The following BRAF variants were observed in gnomAD, a reference collection of about 807,000 sequenced individuals.
The protein encoded by BRAF is serine/threonine-protein kinase B-raf.
Under a neutral mutation model 104.6 loss-of-function variants are expected in BRAF, and 16 were observed. That is an observed-to-expected ratio of 0.15 (90% CI 0.10 to 0.23). BRAF has a LOEUF of 0.23. Ranked by LOEUF, BRAF falls within the 10% of genes least tolerant of loss-of-function variation. The pLI is 1.00. For synonymous variants in BRAF, 310 were observed against 341.6 expected (o/e 0.91, Z 1.02); for missense variants, 541 against 937.3 (o/e 0.58, Z 5.52).
At chr7:140,826,357 C>A (rs991863313) in intron 3 of BRAF, among the ~76,000 whole-genome samples, 15 of 151,700 alleles carry the variant, frequency 9.9e-5, no homozygotes, top group Admixed American at 9.2e-4. Flanking sequence ...TCAATTTTTC[C>A]AACTCTATTA....
chr7:140,717,980 T>A (rs1795172551), downstream of BRAF, among the ~76,000 whole-genome samples: 1 of 152,200 alleles, frequency 6.6e-6, no homozygotes, highest in Non-Finnish European at 1.5e-5. Flanking sequence ...CTTAGCCTTT[T>A]AAGTCTTGAT....
chr7:140,756,120 C>T (rs143294832), intron 14 of BRAF, among the ~76,000 whole-genome samples: 316 of 151,918 alleles, frequency 2.1e-3, no homozygotes, highest in African/African-American at 6.9e-3. Flanking sequence ...ACCAGGAAAG[C>T]ACTAGATAAT....
chr7:140,826,375 T>A (rs1806052538), intron 3 of BRAF, among the ~76,000 whole-genome samples: 1 of 152,222 alleles, frequency 6.6e-6, no homozygotes, highest in African/African-American at 2.4e-5. Flanking sequence ...TTACAAAAAA[T>A]TTCAGACAGA....
chr7:140,860,207 G>A (rs560671786), intron 1 of BRAF, among the ~76,000 whole-genome samples: 2 of 152,206 alleles, frequency 1.3e-5, no homozygotes, highest in South Asian at 4.2e-4. Flanking sequence ...ATAATTTAGT[G>A]GGGAACAGAA....
intron 14 of BRAF, among the ~76,000 whole-genome samples, chr7:140,770,915 A>G (rs1397434116): frequency 6.9e-6 from 1 of 145,740 alleles, no homozygotes; most frequent in Non-Finnish European, 1.5e-5. Context: ...CCTGGGTGAC[A>G]GTGAGATTCC....
chr7:140,787,453 G>C (rs1342311126), intron 9 of BRAF, 95 bp downstream of exon 9: 19 of 1,334,244 alleles, frequency 1.4e-5, no homozygotes, highest in Middle Eastern at 1.9e-4. Flanking sequence ...TTTTCTCTGT[G>C]TCTGTTACTT....
chr7:140,773,591 C>T (rs1389508120), intron 14 of BRAF, among the ~76,000 whole-genome samples: 1 of 152,148 alleles, frequency 6.6e-6, no homozygotes, highest in Non-Finnish European at 1.5e-5. Context: ...TTATTTTCCC[C>T]TCTCTAGAGA....
At chr7:140,717,773 A>G (rs1335235737), downstream of BRAF, among the ~76,000 whole-genome samples, 1 of 151,916 alleles carries the variant, frequency 6.6e-6, no homozygotes, top group East Asian at 1.9e-4. Flanking sequence ...AGCCACATCT[A>G]CTCTGTTGTA....
At chr7:140,863,184 T>TA (rs547945134) in intron 1 of BRAF, among the ~76,000 whole-genome samples, 73 of 145,636 alleles carry the variant, frequency 5.0e-4, no homozygotes, top group South Asian at 1.7e-3. Context: ...TTCACCAGGT[T>TA]AAAAAAAAAA....
intron 2 of BRAF, among the ~76,000 whole-genome samples, chr7:140,840,283 A>G (rs1243056759): frequency 6.6e-6 from 1 of 152,206 alleles, no homozygotes; most frequent in East Asian, 1.9e-4. Flanking sequence ...TGATTAGGCA[A>G]TGGTCTCTCA....
Position 140,724,746 on chromosome 7 carries a change from CTT to C in BRAF, c.*1746_*1747del. ...TCTAATTCCTTGATTTATTCTGGGTCTTGTTTAATTTCTTTCAAGTCCTTGGC... is the reference window on the plus strand; with the variant it reads ...TCTAATTCCTTGATTTATTCTGGGTCGTTTAATTTCTTTCAAGTCCTTGGC... On this transcript the variant is annotated 3_prime_UTR_variant, in exon 20 of 20. Transcript: ENST00000644969. 3.9e-6 allele frequency: 4 copies of C among 1,033,602 alleles called. No individual in the cohort carries two copies. The highest frequency in any genetic ancestry group is 4.7e-6 in the Non-Finnish European group (4 of 859,198). The allele number at this position is 1,033,602 out of a possible 1,614,324, so 64.0% of individuals were successfully genotyped here. A position where few individuals can be genotyped will look rare whatever the true frequency, so the allele number is the denominator to read the frequency against.
intron 1 of BRAF, among the ~76,000 whole-genome samples, chr7:140,857,356 A>C (rs1026763592): frequency 6.6e-6 from 1 of 152,164 alleles, no homozygotes; most frequent in Non-Finnish European, 1.5e-5. Flanking sequence ...AGAGAGAGCA[A>C]AGTCTTGCTG....
intron 1 of BRAF, among the ~76,000 whole-genome samples, chr7:140,920,707 C>A (rs970101922): frequency 2.0e-5 from 3 of 152,108 alleles, no homozygotes; most frequent in African/African-American, 7.2e-5. Flanking sequence ...TATAAAATGA[C>A]TGACAGATAA....
chr7:140,737,886 T>C (rs191486789), intron 18 of BRAF, among the ~76,000 whole-genome samples: 55 of 152,340 alleles, frequency 3.6e-4, no homozygotes, highest in Non-Finnish European at 6.3e-4. Context: ...TTTGAAACCA[T>C]GTAATTAATG....
At chr7:140,753,249 A>G (rs375646647) in intron 16 of BRAF, 26 bp downstream of exon 15, 79 of 1,553,240 alleles carry the variant, frequency 5.1e-5, no homozygotes, top group Non-Finnish European at 6.7e-5. Flanking sequence ...AAATTTAATC[A>G]GTGGAAAAAT....
chr7:140,828,828 T>A (rs1806370863), intron 3 of BRAF, among the ~76,000 whole-genome samples: 1 of 152,232 alleles, frequency 6.6e-6, no homozygotes, highest in African/African-American at 2.4e-5. Flanking sequence ...ATCAAAGTGC[T>A]TTCCAATAAG....
chr7:140,742,761 A>G (rs1797033301), intron 17 of BRAF, among the ~76,000 whole-genome samples: 1 of 152,222 alleles, frequency 6.6e-6, no homozygotes, highest in East Asian at 1.9e-4. Context: ...ATAGCAAAAG[A>G]AACTACCATC....
intron 17 of BRAF, among the ~76,000 whole-genome samples, chr7:140,743,496 T>C (rs1169211425): frequency 6.6e-6 from 1 of 152,084 alleles, no homozygotes; most frequent in African/African-American, 2.4e-5. Context: ...CACCGCATAT[T>C]CTCACTCATA....
intron 1 of BRAF, among the ~76,000 whole-genome samples, chr7:140,895,668 G>C (rs1814801634): frequency 6.6e-6 from 1 of 152,162 alleles, no homozygotes. Flanking sequence ...ATAAGAGTGA[G>C]AACATGCAGG....
Sources: gnomAD v4.1 joint callset for allele counts (sites outside exome capture counted in the v4.1 genomes callset) on GRCh38, gnomAD v4.1.1 for gene constraint, MANE v1.5 for transcripts, NCBI Gene and HGNC (gene_info 2026-07-23, HGNC 2026-07-21) for gene names.